Variants in FOXP1 observed in about 807,000 individuals in gnomAD.
The protein encoded by FOXP1 is forkhead box P1, also known as forkhead box protein P1.
In FOXP1, 15 loss-of-function variants were observed where a neutral mutation model predicts 98.2. That is an observed-to-expected ratio of 0.15 (90% CI 0.10 to 0.24). The LOEUF is 0.24. FOXP1 is among the 10% of genes least tolerant of loss of function. FOXP1 has a pLI of 1.00. For synonymous variants in FOXP1, 371 were observed against 314.5 expected, an observed-to-expected ratio of 1.18 and a Z score of -1.90; for missense variants, 633 against 848.5, an observed-to-expected ratio of 0.75 and a Z score of 3.15.
intron 3 of FOXP1, among the ~76,000 whole-genome samples, chr3:71,389,357 G>A (rs939039228): frequency 5.3e-5 from 8 of 150,744 alleles, no homozygotes; most frequent in African/African-American, 2.0e-4. Flanking sequence ...TCACTTTCAT[G>A]AGCGACACCT....
chr3:71,357,837 C>T (rs781317007), intron 4 of FOXP1, among the ~76,000 whole-genome samples: 9 of 152,130 alleles, frequency 5.9e-5, no homozygotes, highest in African/African-American at 9.7e-5. Flanking sequence ...GATGTTTTTA[C>T]GACAGAATAC....
chr3:71,404,333 G>A (rs1437829152), intron 3 of FOXP1, among the ~76,000 whole-genome samples: 2 of 151,702 alleles, frequency 1.3e-5, no homozygotes, highest in African/African-American at 4.8e-5. Flanking sequence ...CTCCATGTTG[G>A]CCAGGCTGGT....
At chr3:71,196,544 T>C (rs545924163) in intron 6 of FOXP1, among the ~76,000 whole-genome samples, 3 of 152,346 alleles carry the variant, frequency 2.0e-5, no homozygotes, top group Admixed American at 6.5e-5. Context: ...CATCAGTCAG[T>C]AGTAGCCCCA....
At chr3:71,129,763 A>G (rs2059450598) in intron 6 of FOXP1, among the ~76,000 whole-genome samples, 1 of 152,202 alleles carries the variant, frequency 6.6e-6, no homozygotes, top group Non-Finnish European at 1.5e-5. Flanking sequence ...GAAAGGACTA[A>G]GAGAGCCGTT....
At position 70,980,961 on chromosome 3, in the gene FOXP1, A is replaced by G. The variant is rs116064553; in HGVS notation, c.1147-2932T>C. On this transcript the variant is annotated intron_variant, in intron 14 of 20. Transcript: ENST00000649528. ...GATGCAATGAAAATTACAAACACAAATGTCCTTCATGCCTGCTCCCTTTCA... is the reference window on the plus strand; with the variant it reads ...GATGCAATGAAAATTACAAACACAAGTGTCCTTCATGCCTGCTCCCTTTCA... 6.3e-3 allele frequency among the ~76,000 whole-genome samples: 966 copies of G among 152,228 alleles called. 10 individuals are homozygous for G. The highest frequency in any genetic ancestry group is 0.02 in the African/African-American group (837 of 41,538).
intron 6 of FOXP1, among the ~76,000 whole-genome samples, chr3:71,137,974 G>T (rs940075674): frequency 2.0e-5 from 3 of 151,946 alleles, no homozygotes; most frequent in Non-Finnish European, 4.4e-5. Context: ...TGTGAGAACG[G>T]CCTTACAAGG....
At chr3:71,458,024 T>C (rs1267725824) in intron 3 of FOXP1, among the ~76,000 whole-genome samples, 2 of 152,126 alleles carry the variant, frequency 1.3e-5, no homozygotes, top group East Asian at 3.9e-4. Context: ...TTTCTCTCCA[T>C]TTTCGTAATC....
intron 3 of FOXP1, among the ~76,000 whole-genome samples, chr3:71,390,270 G>A (rs548801819): frequency 2.6e-5 from 4 of 152,090 alleles, no homozygotes; most frequent in Non-Finnish European, 4.4e-5. Context: ...CAAGCCAAGG[G>A]ACTTTTCAGA....
intron 6 of FOXP1, among the ~76,000 whole-genome samples, chr3:71,181,859 T>C (rs1009118641): frequency 4.0e-5 from 6 of 151,814 alleles, no homozygotes; most frequent in African/African-American, 1.5e-4. Flanking sequence ...GGTGAAACCC[T>C]ATCTCTACTA....
chr3:71,057,490 C>T (rs979263851), intron 7 of FOXP1, among the ~76,000 whole-genome samples: 2 of 149,586 alleles, frequency 1.3e-5, no homozygotes, highest in Admixed American at 6.7e-5. Flanking sequence ...AAAAAATTTC[C>T]GATACTGTAA....
At chr3:71,550,602 A>G (rs1306459905) in intron 2 of FOXP1, among the ~76,000 whole-genome samples, 1 of 152,230 alleles carries the variant, frequency 6.6e-6, no homozygotes, top group East Asian at 1.9e-4. Context: ...TAACTTGTAA[A>G]GAAAAGAAAA....
At chr3:71,369,309 G>C (rs2079129145) in intron 3 of FOXP1, among the ~76,000 whole-genome samples, 1 of 152,228 alleles carries the variant, frequency 6.6e-6, no homozygotes, top group East Asian at 2.0e-4. Context: ...AGAATAGCTT[G>C]AATCTGGGAT....
intron 5 of FOXP1, among the ~76,000 whole-genome samples, chr3:71,204,966 A>G (rs1439166497): frequency 6.6e-6 from 1 of 152,178 alleles, no homozygotes; most frequent in East Asian, 1.9e-4. Context: ...CAGTGTGCTG[A>G]CTGTGTTATG....
chr3:71,425,364 G>A (rs905747083), intron 3 of FOXP1, among the ~76,000 whole-genome samples: 1 of 152,166 alleles, frequency 6.6e-6, no homozygotes, highest in Non-Finnish European at 1.5e-5. Flanking sequence ...GACCTCAAGT[G>A]ATCCACCCGC....
chr3:71,551,582 C>T (rs1481436880), intron 2 of FOXP1, among the ~76,000 whole-genome samples: 7 of 152,184 alleles, frequency 4.6e-5, no homozygotes, highest in Non-Finnish European at 1.0e-4. Flanking sequence ...ATGTTCAATA[C>T]ATAAACTTCT....
intron 5 of FOXP1, among the ~76,000 whole-genome samples, chr3:71,243,917 A>C (rs564628388): frequency 6.6e-6 from 1 of 152,352 alleles, no homozygotes; most frequent in East Asian, 1.9e-4. Context: ...ACAAAATTAG[A>C]GAAGAAAATA....
At chr3:70,961,859 G>C (rs943693230) in intron 20 of FOXP1, among the ~76,000 whole-genome samples, 6 of 152,044 alleles carry the variant, frequency 3.9e-5, no homozygotes, top group Non-Finnish European at 8.8e-5. Flanking sequence ...CCAGGAGTTC[G>C]AGTCCAGCCT....
At chr3:71,196,041 TAAAAGACTTC>T (rs1328297936) in intron 6 of FOXP1, among the ~76,000 whole-genome samples, 1 of 152,346 alleles carries the variant, frequency 6.6e-6, no homozygotes, top group East Asian at 1.9e-4. Context: ...TGTTATATTT[TAAAAGACTTC>T]AAAAGGCTTT....
At chr3:71,347,955 A>C (rs1411733206) in intron 4 of FOXP1, among the ~76,000 whole-genome samples, 1 of 152,144 alleles carries the variant, frequency 6.6e-6, no homozygotes, top group Admixed American at 6.5e-5. Flanking sequence ...GTGGATGCCC[A>C]AAACCATGAT....
Sources: allele counts gnomAD v4.1 joint callset (sites outside exome capture counted in the v4.1 genomes callset), GRCh38; gene constraint gnomAD v4.1.1; transcripts MANE v1.5; gene names NCBI Gene and HGNC (gene_info 2026-07-23, HGNC 2026-07-21).